PKD1L3: variants seen among roughly 807,000 people sequenced by gnomAD.
PKD1L3 encodes polycystin-1-like protein 3.
Under a neutral mutation model 184.1 loss-of-function variants are expected in PKD1L3, and 239 were observed. That is an observed-to-expected ratio of 1.30 (90% CI 1.17 to 1.45). PKD1L3 has a LOEUF of 1.45. Among genes scored for constraint, PKD1L3 ranks in the 40% most tolerant of loss-of-function variants. The pLI is 0.00. For synonymous variants in PKD1L3, 996 were observed against 778.8 expected, an observed-to-expected ratio of 1.28 and a Z score of -4.64; for missense variants, 2,660 against 2,067.2, an observed-to-expected ratio of 1.29 and a Z score of -5.56.
intron 9 of PKD1L3, among the ~76,000 whole-genome samples, 159 bp from the exon 10 acceptor site, chr16:71,978,542 C>CTT (rs11329882): frequency 0.23 from 13,062 of 57,054 alleles, 877 homozygotes; most frequent in Non-Finnish European, 0.27. Flanking sequence ...TACATACATA[C>CTT]TTTTTTTTTT....
At position 71,979,836 on chromosome 16, in the gene PKD1L3, C is replaced by T. The variant is rs199752667; in HGVS notation, c.1348G>A (p.Ala450Thr). The change falls in exon 9 of 30, where the codon GCT (alanine) becomes ACT (threonine). Residue 450 changes from alanine to threonine, a missense_variant. Physicochemically the swap from Ala to Thr is moderately conservative, Grantham distance 58 (BLOSUM62 0). Coordinates refer to ENST00000620267, the MANE Select transcript of PKD1L3 (RefSeq NM_181536.2). ...PAPVRLGFPS[A>T]LALKELLNKH... Reference sequence around the variant, plus strand: ...TTCAAGAGCTCCTTCAAAGCTAAAGCCGACGGAAAGCCTAGCCTCACAGGG... The same window carrying T: ...TTCAAGAGCTCCTTCAAAGCTAAAGTCGACGGAAAGCCTAGCCTCACAGGG... The T allele has an allele frequency of 5.9e-6, 9 of 1,518,034 alleles. No homozygotes were observed. The African/African-American group carries it at 1.1e-4, about 19-fold the overall frequency. The allele number at this position is 1,518,034 out of a possible 1,614,324, so 94.0% of individuals were successfully genotyped here.
rs535316568 is a variant in PKD1L3 at position 71,935,629 on chromosome 16, G to A, written c.4453-111C>T. On this transcript the variant is annotated intron_variant, in intron 25 of 29. Coordinates refer to ENST00000620267, the MANE Select transcript of PKD1L3 (RefSeq NM_181536.2). ...GTCTGTGGGCAAAGCACACTGCCAG[G>A]CATTTATCAGATCTCACTTGGACAA... 1.1e-5 allele frequency: 11 copies of A among 985,260 alleles called. No homozygotes were observed. In the South Asian group the frequency reaches 1.2e-4, roughly 11 times the overall value. 61.0% of individuals were successfully genotyped at this position (985,260 alleles called of 1,614,324 possible). A position where few individuals can be genotyped will look rare whatever the true frequency, so the allele number is the denominator to read the frequency against.
rs1190403321 is a variant in PKD1L3 at position 71,993,279 on chromosome 16, A to G, written c.472T>C (p.Leu158=). Residue 158 remains leucine, a synonymous_variant, in exon 3 of 30, where the codon TTG becomes CTG. Coordinates refer to ENST00000620267, the MANE Select transcript of PKD1L3 (RefSeq NM_181536.2). ...TTTGTCTTCTTGTGTCTCTGGTACA[A>G]ATGGGAATTATTTCCATTTCTTTCA... The part of the protein sequence containing the change: ...HYERNGNNSH[L]YQRHKKTKRG... 2 of 1,550,530 alleles carry G rather than the reference A, an allele frequency of 1.3e-6. No individual in the cohort carries two copies. The highest frequency in any genetic ancestry group is 1.7e-6 in the Non-Finnish European group (2 of 1,146,690).
intron 1 of PKD1L3, 109 bp from the exon 2 acceptor site, chr16:71,998,503 T>A: frequency 7.2e-7 from 1 of 1,388,086 alleles, no homozygotes; most frequent in Non-Finnish European, 9.5e-7. Flanking sequence ...CAAGCTGGAG[T>A]GCAGTGGTGT....
Position 71,942,546 on chromosome 16 carries a change from G to T in PKD1L3, c.4324+14C>A. On this transcript the variant is annotated intron_variant, in intron 24 of 29. Coordinates refer to ENST00000620267, the MANE Select transcript of PKD1L3 (RefSeq NM_181536.2). ...TGCTACGTGTGGTTGAATTCCAGGG[G>T]TCACTCCAGTTACCTCTCATGATGT... The T allele has an allele frequency of 6.5e-7, 1 of 1,541,166 alleles. No homozygotes were observed.
In PKD1L3 at chr16:71,967,960, G is replaced by T. The variant is rs1362865935; in HGVS notation, c.2232C>A (p.His744Gln). ...LADNDPSAQF[H>Q]YLIQVYTGYR... Reference sequence around the variant, plus strand: ...ATCCGGTGTAGACCTGAATAAGGTAGTGAAATTGAGCGCTGGGGTCATTAT... The same window carrying T: ...ATCCGGTGTAGACCTGAATAAGGTATTGAAATTGAGCGCTGGGGTCATTAT... Residue 744 changes from histidine to glutamine, a missense_variant, in exon 14 of 30, where the codon CAC (histidine) becomes CAA (glutamine). Coordinates refer to ENST00000620267, the MANE Select transcript of PKD1L3 (RefSeq NM_181536.2). 5.2e-6 allele frequency: 8 copies of T among 1,551,520 alleles called. No individual in the cohort carries two copies. The highest frequency in any genetic ancestry group is 1.4e-5 in the African/African-American group (1 of 73,030).
rs1227572299 is a variant in PKD1L3, at chr16:71,982,189, C to T, written c.1013G>A (p.Arg338Lys). 9.7e-6 allele frequency: 15 copies of T among 1,549,696 alleles called. No individual in the cohort carries two copies. The Admixed American group carries it at 1.2e-4, about 12-fold the overall frequency. ...ACTGTTGTTGTTCTGAAATGGGATCCTGAGTAACTCCTCACTCAGGTAAAT... is the reference window on the plus strand; with the variant it reads ...ACTGTTGTTGTTCTGAAATGGGATCTTGAGTAACTCCTCACTCAGGTAAAT... The part of the protein sequence containing the change: ...SLIYLSEELL[R>K]IPFQNNNSLG... The change falls in exon 7 of 30, where the codon AGG becomes AAG. Residue 338 changes from arginine to lysine, a missense_variant. Coordinates refer to ENST00000620267, the MANE Select transcript of PKD1L3 (RefSeq NM_181536.2).
intron 2 of PKD1L3, among the ~76,000 whole-genome samples, chr16:71,995,068 A>G (rs2040736821): frequency 6.6e-6 from 1 of 152,206 alleles, no homozygotes; most frequent in Admixed American, 6.5e-5. Flanking sequence ...ACTACCACAA[A>G]CAGGGTAATT....
chr16:71,985,520 G>C (rs1340815647), intron 5 of PKD1L3, among the ~76,000 whole-genome samples: 1 of 152,114 alleles, frequency 6.6e-6, no homozygotes, highest in East Asian at 1.9e-4. Context: ...CCAGGCTCAA[G>C]CAACCCTCCC....
intron 26 of PKD1L3, 74 bp downstream of exon 26, chr16:71,935,284 A>G: frequency 1.4e-6 from 2 of 1,418,714 alleles, no homozygotes; most frequent in Non-Finnish European, 1.9e-6. Flanking sequence ...GGGAGTTTGA[A>G]GAATACTTGT....
chr16:71,963,412 A>T, intron 15 of PKD1L3, 61 bp from the exon 16 acceptor site: 1 of 1,438,620 alleles, frequency 7.0e-7, no homozygotes, highest in Non-Finnish European at 9.3e-7. Flanking sequence ...GTCTGTAGTA[A>T]GACGTAATCT....
chr16:71,972,615 T>A (rs1042379404), intron 12 of PKD1L3, among the ~76,000 whole-genome samples: 2 of 149,776 alleles, frequency 1.3e-5, no homozygotes, highest in East Asian at 4.0e-4. Context: ...GCCCAGGAGG[T>A]TGAGGCTGCA....
chr16:71,964,670 C>G (rs981261315), intron 15 of PKD1L3, among the ~76,000 whole-genome samples: 1 of 151,686 alleles, frequency 6.6e-6, no homozygotes, highest in Non-Finnish European at 1.5e-5. Flanking sequence ...CGTTTATACA[C>G]CAGCACCATC....
chr16:71,993,156 T>C (rs982921443), intron 3 of PKD1L3, 60 bp downstream of exon 3: 1 of 1,213,842 alleles, frequency 8.2e-7, no homozygotes. Context: ...GTCTTGTGCA[T>C]TCTTTTAGCA....
chr16:71,944,427 T>G (rs2038481635), intron 22 of PKD1L3, among the ~76,000 whole-genome samples: 2 of 152,158 alleles, frequency 1.3e-5, no homozygotes, highest in South Asian at 4.1e-4. Context: ...TGCCTGTAAT[T>G]CCAATTCTAG....
chr16:71,983,421 A>G (rs2040235040), intron 6 of PKD1L3, among the ~76,000 whole-genome samples: 1 of 152,150 alleles, frequency 6.6e-6, no homozygotes, highest in Non-Finnish European at 1.5e-5. Context: ...TGCTGGGACT[A>G]CAGGTGGGAG....
At position 71,942,849 on chromosome 16, in the gene PKD1L3, C is replaced by T; in HGVS notation, c.4035G>A (p.Gly1345=). The T allele has an allele frequency of 6.4e-7, 1 of 1,551,516 alleles. No homozygotes were observed. The highest frequency in any genetic ancestry group is 1.4e-5 in the African/African-American group (1 of 73,090). ...ANHILLPSLY[G]DYRGKNAVLE... ...GGACTGCATTCTTACCTCTGTAATC[C>T]CCATACAGGCTAGGAAGAAGGATAT... is the stretch of plus-strand genomic sequence containing the variant. Residue 1345 remains glycine (G), a synonymous_variant, in exon 24 of 30, where the codon GGG becomes GGA. Transcript: ENST00000620267.
At chr16:71,993,163 A>C in intron 3 of PKD1L3, 53 bp downstream of exon 3, 1 of 1,262,238 alleles carries the variant, frequency 7.9e-7, no homozygotes, top group Non-Finnish European at 1.1e-6. Flanking sequence ...GCATTCTTTT[A>C]GCAGAAATTG....
At chr16:71,956,187 T>TTTTTTC (rs1276023869) in intron 16 of PKD1L3, among the ~76,000 whole-genome samples, 2 of 85,784 alleles carry the variant, frequency 2.3e-5, no homozygotes, top group African/African-American at 3.5e-5. Context: ...GGAAGGAATT[T>TTTTTTC]TTTTTTTTTT....
Sources: allele counts gnomAD v4.1 joint callset (sites outside exome capture counted in the v4.1 genomes callset), GRCh38; gene constraint gnomAD v4.1.1; transcripts MANE v1.5; gene names NCBI Gene and HGNC (gene_info 2026-07-23, HGNC 2026-07-21).